Variants in SLC9C2 observed in about 807,000 individuals in gnomAD.
SLC9C2 encodes the protein solute carrier family 9 member C2 (putative).
Under a neutral mutation model 140.2 loss-of-function variants are expected in SLC9C2, and 75 were observed. That is an observed-to-expected ratio of 0.53 (90% confidence interval 0.44 to 0.65). The LOEUF is 0.65. Ranked by LOEUF, SLC9C2 falls within the 30% of genes least tolerant of loss-of-function variation. The probability of loss-of-function intolerance (pLI) is 0.00; values close to 1 mark genes in which losing one functional copy is unlikely to be tolerated. For synonymous variants in SLC9C2, 375 were observed against 420.9 expected, an observed-to-expected ratio of 0.89 and a Z score of 1.34; for missense variants, 1,074 against 1,331.8, an observed-to-expected ratio of 0.81 and a Z score of 3.01.
At chr1:173,514,288 C>T (rs1660265140) in intron 23 of SLC9C2, among the ~76,000 whole-genome samples, 1 of 152,116 alleles carries the variant, frequency 6.6e-6, no homozygotes, top group African/African-American at 2.4e-5. Context: ...GTGTGGGAGT[C>T]CAAGTCTCTT....
chr1:173,503,366 G>C (rs1258497731), intron 26 of SLC9C2, 40 bp from the exon 27 acceptor site: 3 of 1,567,904 alleles, frequency 1.9e-6, no homozygotes, highest in Non-Finnish European at 2.6e-6. Flanking sequence ...AGTAAATTAG[G>C]AATTTAAGAG....
intron 9 of SLC9C2, among the ~76,000 whole-genome samples, chr1:173,571,986 T>G (rs895964095): frequency 9.9e-5 from 15 of 152,198 alleles, no homozygotes; most frequent in African/African-American, 2.4e-5. Flanking sequence ...GGCATGGTGC[T>G]AAATTCTTGT....
At chr1:173,581,732 C>T in intron 7 of SLC9C2, 115 bp downstream of exon 7, 1 of 759,636 alleles carries the variant, frequency 1.3e-6, no homozygotes, top group African/African-American at 1.8e-5. Flanking sequence ...TATGACAGGA[C>T]ACACAGTGGG....
At chr1:173,558,234 G>A (rs1009925564) in intron 9 of SLC9C2, among the ~76,000 whole-genome samples, 2 of 152,144 alleles carry the variant, frequency 1.3e-5, no homozygotes, top group Admixed American at 6.5e-5. Flanking sequence ...GAGAATTCCT[G>A]TCATTGAGAA....
intron 3 of SLC9C2, among the ~76,000 whole-genome samples, chr1:173,599,116 T>C (rs1267618883): frequency 6.8e-6 from 1 of 146,242 alleles, no homozygotes; most frequent in East Asian, 1.9e-4. Flanking sequence ...AGGTCTTTTA[T>C]AAGCAGGCCC....
intron 13 of SLC9C2, among the ~76,000 whole-genome samples, chr1:173,545,424 A>G (rs988542086): frequency 3.9e-5 from 6 of 152,198 alleles, no homozygotes; most frequent in African/African-American, 1.2e-4. Context: ...GAGAATTGGT[A>G]TGTGTGCCCA....
intron 21 of SLC9C2, among the ~76,000 whole-genome samples, chr1:173,521,795 G>T (rs1218241308): frequency 7.1e-6 from 1 of 141,738 alleles, no homozygotes; most frequent in African/African-American, 2.6e-5. Context: ...CAATTCCCCT[G>T]CCTTCAGAAA....
chr1:173,573,347 T>C (rs1664957504), intron 8 of SLC9C2, 22 bp from the exon 9 acceptor site: 2 of 1,319,082 alleles, frequency 1.5e-6, no homozygotes, highest in Non-Finnish European at 2.1e-6. Flanking sequence ...GAAATAGAAA[T>C]GACATTTTAA....
chr1:173,517,575 C>T lies in SLC9C2; in HGVS notation c.2869G>A (p.Glu957Lys), dbSNP rs1264791272. ...TCACAGATGACGGTATATTCAATTT[C>T]ACGCTTAAGCAGACAGCTTAGCTCT... ...IGELSCLLKREIEYTVICETS... is the reference protein window; with the variant it reads ...IGELSCLLKRKIEYTVICETS... Residue 957 changes from glutamate (E) to lysine (K), a missense_variant, in exon 23 of 28, where the codon GAA becomes AAA. Coordinates refer to ENST00000367714, the MANE Select transcript of SLC9C2 (RefSeq NM_178527.4). The T allele has an allele frequency of 1.9e-6, 3 of 1,612,558 alleles. No individual in the cohort carries two copies. The South Asian group carries it at 3.3e-5, about 18-fold the overall frequency.
chr1:173,507,368 C>G (rs1477072269), intron 24 of SLC9C2, among the ~76,000 whole-genome samples: 1 of 152,114 alleles, frequency 6.6e-6, no homozygotes, highest in African/African-American at 2.4e-5. Flanking sequence ...GTTTCACTTA[C>G]AAGTAAGCTT....
intron 2 of SLC9C2, 35 bp downstream of exon 2, chr1:173,601,615 C>T (rs1666788935): frequency 1.9e-6 from 3 of 1,606,340 alleles, no homozygotes; most frequent in Admixed American, 3.4e-5. Flanking sequence ...GTTCACAGGG[C>T]AGAGGAAAGA....
At chr1:173,502,061 C>T (rs1659315597) in intron 27 of SLC9C2, among the ~76,000 whole-genome samples, 1 of 151,848 alleles carries the variant, frequency 6.6e-6, no homozygotes, top group South Asian at 2.1e-4. Context: ...ATCATAAGGT[C>T]AGGAGATCGA....
chr1:173,564,959 T>TTCTTTTG (rs1242946943), intron 9 of SLC9C2, among the ~76,000 whole-genome samples: 2 of 136,330 alleles, frequency 1.5e-5, no homozygotes, highest in African/African-American at 5.6e-5. Flanking sequence ...TTTTTCTTTT[T>TTCTTTTG]TTCTTTTTCT....
intron 11 of SLC9C2, among the ~76,000 whole-genome samples, chr1:173,550,452 A>ATTT (rs202103167): frequency 0.016 from 2,318 of 145,610 alleles, 77 homozygotes; most frequent in East Asian, 0.086. Context: ...TTATTTATTT[A>ATTT]TTTTTGAGGA....
In SLC9C2 at chr1:173,554,777, A is replaced by G; in HGVS notation, c.1253T>C (p.Met418Thr). Residue 418 changes from methionine (M) to threonine (T), a missense_variant, in exon 11 of 28, where the codon ATG becomes ACG. By Grantham distance (81) the Met-to-Thr change is moderately conservative. Coordinates refer to ENST00000367714, the MANE Select transcript of SLC9C2 (RefSeq NM_178527.4). ...AGTCATCACGTATGAATTTATTCCC[A>G]TTGTCAATAATGATATTACTTGTAC... ...LYVQVISLLT[M>T]GINSYVMTQS... 6.2e-7 allele frequency: 1 copy of G among 1,608,616 alleles called. No homozygotes were observed. Among genetic ancestry groups the G allele is most frequent in the Non-Finnish European group, 8.5e-7 (1 of 1,175,084 alleles).
intron 4 of SLC9C2, among the ~76,000 whole-genome samples, chr1:173,595,706 GA>G (rs1331551136): frequency 6.6e-6 from 1 of 151,992 alleles, no homozygotes; most frequent in Non-Finnish European, 1.5e-5. Context: ...AGAAAAGGAA[GA>G]ATGAGAAAAA....
intron 9 of SLC9C2, among the ~76,000 whole-genome samples, chr1:173,563,833 A>G (rs567980198): frequency 1.3e-5 from 2 of 152,000 alleles, no homozygotes; most frequent in African/African-American, 4.8e-5. Flanking sequence ...ACCATCCTCC[A>G]CTTTCCCCCC....
intron 14 of SLC9C2, 46 bp from the exon 15 acceptor site, chr1:173,535,995 C>T: frequency 6.9e-7 from 1 of 1,445,112 alleles, no homozygotes; most frequent in South Asian, 1.3e-5. Context: ...AAAGCAAGTG[C>T]TATACTTTGG....
intron 25 of SLC9C2, among the ~76,000 whole-genome samples, 168 bp from the exon 26 acceptor site, chr1:173,505,499 T>C (rs1451349393): frequency 6.6e-6 from 1 of 152,234 alleles, no homozygotes; most frequent in African/African-American, 2.4e-5. Context: ...TGAGAAGTCT[T>C]AGACCAACAA....
Sources: allele counts gnomAD v4.1 joint callset (sites outside exome capture counted in the v4.1 genomes callset), GRCh38; gene constraint gnomAD v4.1.1; transcripts MANE v1.5; gene names NCBI Gene and HGNC (gene_info 2026-07-23, HGNC 2026-07-21).